MTCL2: variants seen among roughly 807,000 people sequenced by gnomAD.
MTCL2 encodes microtubule crosslinking factor 2, also known as microtubule cross-linking factor 2.
the MTCL2 span, among the ~76,000 whole-genome samples, chr20:36,830,489 G>A: frequency 6.6e-6 from 1 of 151,950 alleles, no homozygotes; most frequent in Admixed American, 6.6e-5. Context: ...AATCACCTGG[G>A]CCCTGGAGTT....
the MTCL2 span, among the ~76,000 whole-genome samples, chr20:36,826,062 A>G: frequency 6.6e-6 from 1 of 151,146 alleles, no homozygotes; most frequent in Non-Finnish European, 1.5e-5. Context: ...GCTGGAGTGC[A>G]GTGGCACAAT....
At chr20:36,828,342 G>A in the MTCL2 span, among the ~76,000 whole-genome samples, 2 of 152,176 alleles carry the variant, frequency 1.3e-5, no homozygotes, top group Non-Finnish European at 2.9e-5. Context: ...TCTCTCTCAG[G>A]GGCTGTTTGC....
chr20:36,808,353 C>T, the MTCL2 span, among the ~76,000 whole-genome samples: 1 of 131,840 alleles, frequency 7.6e-6, no homozygotes, highest in Non-Finnish European at 1.6e-5. Context: ...GACTCCATCT[C>T]GGAAAAAAAA....
chr20:36,817,381 T>A, the MTCL2 span: 1 of 1,558,250 alleles, frequency 6.4e-7, no homozygotes, highest in Non-Finnish European at 8.7e-7. Flanking sequence ...GAATAAAACC[T>A]TCCTACGGGG....
At chr20:36,816,784 T>A in the MTCL2 span, among the ~76,000 whole-genome samples, 1 of 152,114 alleles carries the variant, frequency 6.6e-6, no homozygotes, top group African/African-American at 2.4e-5. Context: ...AATGACTCGC[T>A]CCAATCACAT....
chr20:36,840,204 G>T, the MTCL2 span, among the ~76,000 whole-genome samples: 6 of 147,242 alleles, frequency 4.1e-5, no homozygotes, highest in Non-Finnish European at 8.9e-5. Context: ...TCGCTCTGTC[G>T]CCCAGGCTGG....
the MTCL2 span, among the ~76,000 whole-genome samples, chr20:36,811,112 T>G: frequency 9.1e-4 from 138 of 152,268 alleles, 1 homozygote; most frequent in African/African-American, 3.2e-3. Context: ...ATATGATGAT[T>G]TGGCAGTGGA....
chr20:36,828,380 C>T, the MTCL2 span, among the ~76,000 whole-genome samples: 1 of 152,156 alleles, frequency 6.6e-6, no homozygotes, highest in Non-Finnish European at 1.5e-5. Flanking sequence ...ATGATCGCAA[C>T]CTTGTTAGCA....
chr20:36,827,876 G>A, the MTCL2 span, among the ~76,000 whole-genome samples: 10 of 152,160 alleles, frequency 6.6e-5, no homozygotes, highest in South Asian at 1.0e-3. Context: ...ATGGTGCTCC[G>A]TGTTATGGGC....
chr20:36,797,530 A>G, the MTCL2 span: 1 of 1,556,304 alleles, frequency 6.4e-7, no homozygotes, highest in Non-Finnish European at 8.7e-7. Flanking sequence ...CTGCTTCTCC[A>G]GCTCCGAGTG....
At chr20:36,852,378 G>A in the MTCL2 span, among the ~76,000 whole-genome samples, 4 of 152,120 alleles carry the variant, frequency 2.6e-5, no homozygotes, top group Admixed American at 6.5e-5. Context: ...CCACAGGGGC[G>A]GCATGCCAGC....
chr20:36,808,476 C>T, the MTCL2 span: 1 of 1,541,022 alleles, frequency 6.5e-7, no homozygotes, highest in Non-Finnish European at 8.8e-7. Context: ...CTCTCCCCAG[C>T]CCACACTCCC....
At chr20:36,833,672 G>A in the MTCL2 span, among the ~76,000 whole-genome samples, 1 of 151,998 alleles carries the variant, frequency 6.6e-6, no homozygotes, top group Non-Finnish European at 1.5e-5. Flanking sequence ...AAAATAGGGA[G>A]ACCCCCATCT....
the MTCL2 span, among the ~76,000 whole-genome samples, chr20:36,796,144 G>T: frequency 6.6e-6 from 1 of 152,228 alleles, no homozygotes; most frequent in African/African-American, 2.4e-5. Flanking sequence ...AAACTAAGAC[G>T]CCATGAAGCT....
chr20:36,812,860 C>G, the MTCL2 span: 2 of 1,607,676 alleles, frequency 1.2e-6, no homozygotes, highest in South Asian at 2.2e-5. Context: ...CCCAGAGGCA[C>G]AGGCAGAACA....
At chr20:36,831,424 T>C in the MTCL2 span, among the ~76,000 whole-genome samples, 6 of 152,038 alleles carry the variant, frequency 3.9e-5, no homozygotes, top group African/African-American at 1.2e-4. Context: ...AGGAACTCCA[T>C]GTGGGGCAGA....
chr20:36,839,403 C>T, the MTCL2 span: 2 of 1,613,522 alleles, frequency 1.2e-6, no homozygotes, highest in East Asian at 4.5e-5. The surrounding 1 kb of genome is among the most constrained non-coding windows in gnomAD (Gnocchi z 5.1). Flanking sequence ...AGACGTCCCG[C>T]ATCTCCAGCA....
At chr20:36,808,264 G>T in the MTCL2 span, among the ~76,000 whole-genome samples, 1 of 151,366 alleles carries the variant, frequency 6.6e-6, no homozygotes, top group African/African-American at 2.4e-5. Context: ...GCTGAGGCAG[G>T]AGAATTGCTT....
chr20:36,860,751 GGCCTT>G, the MTCL2 span, among the ~76,000 whole-genome samples: 3 of 152,286 alleles, frequency 2.0e-5, no homozygotes, highest in South Asian at 6.2e-4. Context: ...AAAGGTCCAG[GGCCTT>G]TAAGTAACTT....
Sources: allele counts gnomAD v4.1 joint callset (sites outside exome capture counted in the v4.1 genomes callset), GRCh38; gene constraint gnomAD v4.1.1; non-coding constraint Gnocchi (gnomAD v3.1); transcripts MANE v1.5; gene names NCBI Gene and HGNC (gene_info 2026-07-23, HGNC 2026-07-21).